The following CATSPERT variants were observed in gnomAD, a reference collection of about 807,000 sequenced individuals.
The protein encoded by CATSPERT is cation channel sperm-associated targeting subunit tau.
At chr2:201,511,436 T>G in the CATSPERT span, among the ~76,000 whole-genome samples, 1 of 152,176 alleles carries the variant, frequency 6.6e-6, no homozygotes, top group Non-Finnish European at 1.5e-5. Flanking sequence ...CCCAAAGTTA[T>G]AGGACCATGG....
chr2:201,578,052 C>G, the CATSPERT span, among the ~76,000 whole-genome samples: 1 of 151,910 alleles, frequency 6.6e-6, no homozygotes, highest in East Asian at 1.9e-4. Context: ...GAGGAATACA[C>G]CCATATGGAA....
chr2:201,583,612 G>A, the CATSPERT span, among the ~76,000 whole-genome samples: 10 of 152,108 alleles, frequency 6.6e-5, no homozygotes, highest in Admixed American at 5.2e-4. Flanking sequence ...GTTGAAAATG[G>A]TCCCAAACTG....
the CATSPERT span, among the ~76,000 whole-genome samples, chr2:201,513,102 G>T: frequency 1.3e-5 from 2 of 149,468 alleles, no homozygotes; most frequent in African/African-American, 2.4e-5. Flanking sequence ...TAAAAAAAAA[G>T]AAAAATAAAA....
At chr2:201,612,061 G>A in the CATSPERT span, among the ~76,000 whole-genome samples, 1 of 152,190 alleles carries the variant, frequency 6.6e-6, no homozygotes, top group Admixed American at 6.5e-5. Flanking sequence ...GATGATGATG[G>A]TGACAGCAGC....
the CATSPERT span, chr2:201,545,655 A>AAAAAAAAAAAAAAG: frequency 1.2e-6 from 1 of 811,952 alleles, no homozygotes; most frequent in Non-Finnish European, 1.7e-6. Flanking sequence ...AAAAAAAAAG[A>AAAAAAAAAAAAAAG]AAAAAAAATA....
At chr2:201,571,934 CACTT>C in the CATSPERT span, 8 of 1,611,196 alleles carry the variant, frequency 5.0e-6, no homozygotes, top group African/African-American at 1.3e-5. Flanking sequence ...AGACTTAAAA[CACTT>C]ACGTCACGGG....
At chr2:201,494,461 A>C in the CATSPERT span, 1 of 1,537,466 alleles carries the variant, frequency 6.5e-7, no homozygotes, top group Non-Finnish European at 8.7e-7. Flanking sequence ...ATTTTCTTTT[A>C]AACTATTCTT....
chr2:201,512,668 G>A, the CATSPERT span, among the ~76,000 whole-genome samples: 3 of 152,154 alleles, frequency 2.0e-5, no homozygotes, highest in East Asian at 5.8e-4. Flanking sequence ...ATGTACCAAA[G>A]TTTATTCACC....
the CATSPERT span, among the ~76,000 whole-genome samples, chr2:201,614,610 A>G: frequency 6.6e-6 from 1 of 152,256 alleles, no homozygotes; most frequent in Non-Finnish European, 1.5e-5. Flanking sequence ...AAAACATGCC[A>G]AATTGTAAAG....
chr2:201,565,846 T>G, the CATSPERT span: 1 of 1,606,674 alleles, frequency 6.2e-7, no homozygotes, highest in Middle Eastern at 1.7e-4. Context: ...TGCTGGATAT[T>G]CTACTGTCTG....
chr2:201,538,594 A>G, the CATSPERT span, among the ~76,000 whole-genome samples: 1 of 152,058 alleles, frequency 6.6e-6, no homozygotes, highest in Non-Finnish European at 1.5e-5. Flanking sequence ...ATGACCAGTG[A>G]TCTTTGATGT....
chr2:201,498,770 C>T, the CATSPERT span, among the ~76,000 whole-genome samples: 2 of 152,188 alleles, frequency 1.3e-5, no homozygotes, highest in Admixed American at 6.5e-5. Context: ...CTCTCTTTCT[C>T]TGTGCACACA....
chr2:201,507,581 T>A, the CATSPERT span, among the ~76,000 whole-genome samples: 1 of 152,218 alleles, frequency 6.6e-6, no homozygotes, highest in East Asian at 1.9e-4. Flanking sequence ...GTAAGTAATG[T>A]TGTATAGTAA....
chr2:201,547,060 G>A, the CATSPERT span, among the ~76,000 whole-genome samples: 1 of 152,130 alleles, frequency 6.6e-6, no homozygotes, highest in Non-Finnish European at 1.5e-5. Flanking sequence ...TATATGAAAT[G>A]TCTAGAATAG....
the CATSPERT span, chr2:201,604,819 T>C: frequency 1.9e-6 from 1 of 515,562 alleles, no homozygotes; most frequent in Non-Finnish European, 3.2e-6. Context: ...ATTGGGGTAT[T>C]AATATGATTA....
At chr2:201,586,241 G>A in the CATSPERT span, among the ~76,000 whole-genome samples, 1 of 152,158 alleles carries the variant, frequency 6.6e-6, no homozygotes, top group African/African-American at 2.4e-5. Flanking sequence ...ACTATTAGTA[G>A]TCTACTGACT....
At chr2:201,547,752 T>C in the CATSPERT span, 3 of 486,750 alleles carry the variant, frequency 6.2e-6, no homozygotes, top group Non-Finnish European at 1.1e-5. Flanking sequence ...TGTCTAGGGA[T>C]ACAGTCAAAG....
chr2:201,541,176 G>A, the CATSPERT span, among the ~76,000 whole-genome samples: 1 of 152,116 alleles, frequency 6.6e-6, no homozygotes, highest in African/African-American at 2.4e-5. Flanking sequence ...TTCTTGAGAT[G>A]GAATCTACTG....
chr2:201,540,222 G>A, the CATSPERT span, among the ~76,000 whole-genome samples: 1 of 152,252 alleles, frequency 6.6e-6, no homozygotes, highest in South Asian at 2.1e-4. Context: ...GCAAGGTAAA[G>A]CAGCAAGTGC....
Sources: gnomAD v4.1 joint callset for allele counts (sites outside exome capture counted in the v4.1 genomes callset) on GRCh38, gnomAD v4.1.1 for gene constraint, MANE v1.5 for transcripts, NCBI Gene and HGNC (gene_info 2026-07-23, HGNC 2026-07-21) for gene names.